Variants in TCF20 observed in about 807,000 individuals in gnomAD.
TCF20 encodes the protein SPRE-binding protein.
TCF20 carries 3 observed loss-of-function variants against 148.6 expected under a neutral mutation model. That is an observed-to-expected ratio of 0.02 (90% CI 0.01 to 0.05). The LOEUF is 0.05. TCF20 is among the 10% of genes least tolerant of loss of function. The probability of loss-of-function intolerance (pLI) is 1.00; values close to 1 mark genes in which losing one functional copy is unlikely to be tolerated. For synonymous variants in TCF20, 1,049 were observed against 909.5 expected, an observed-to-expected ratio of 1.15 and a Z score of -2.76; for missense variants, 2,350 against 2,429.3, an observed-to-expected ratio of 0.97 and a Z score of 0.69.
rs569841738 is a variant in TCF20, at chr22:42,262,378, G to C, written c.-37+7961C>G. On this transcript the variant is annotated intron_variant, in intron 1 of 5. Coordinates refer to ENST00000677622, the MANE Select transcript of TCF20 (RefSeq NM_001378418.1). ...GATAGATTTAGAGGTAGAGGGTGGT[G>C]AGAGAAAAGGAGGAATCTGATTTGA... 9.9e-5 allele frequency among the ~76,000 whole-genome samples: 15 copies of C among 152,252 alleles called. 1 individual carries two copies. The South Asian group carries it at 3.1e-3, about 32-fold the overall frequency.
intron 1 of TCF20, among the ~76,000 whole-genome samples, chr22:42,244,768 C>T (rs961068205): frequency 6.6e-6 from 1 of 152,050 alleles, no homozygotes; most frequent in African/African-American, 2.4e-5. Context: ...AATTTTGTCA[C>T]GTGAATTTCA....
intron 1 of TCF20, among the ~76,000 whole-genome samples, chr22:42,266,546 C>G (rs1185295532): frequency 6.6e-6 from 1 of 152,042 alleles, no homozygotes; most frequent in Non-Finnish European, 1.5e-5. Context: ...AGGCTGATAA[C>G]CTCCTGACCT....
intron 1 of TCF20, among the ~76,000 whole-genome samples, chr22:42,337,293 C>T (rs1037176443): frequency 1.4e-4 from 22 of 152,094 alleles, no homozygotes; most frequent in African/African-American, 5.3e-4. Context: ...TCTGACCTGC[C>T]CAAGCCCATA....
chr22:42,262,382 GA>G (rs1162680439), intron 1 of TCF20, among the ~76,000 whole-genome samples: 1 of 152,146 alleles, frequency 6.6e-6, no homozygotes, highest in Non-Finnish European at 1.5e-5. Flanking sequence ...GGTGGTGAGA[GA>G]AAAGGAGGAA....
intron 1 of TCF20, among the ~76,000 whole-genome samples, chr22:42,246,308 T>C (rs1924899678): frequency 6.6e-6 from 1 of 152,170 alleles, no homozygotes; most frequent in African/African-American, 2.4e-5. Context: ...TTTCGCCATG[T>C]TGGCCAGGCT....
intron 1 of TCF20, among the ~76,000 whole-genome samples, chr22:42,333,157 G>C (rs1452128586): frequency 6.6e-6 from 1 of 152,274 alleles, no homozygotes; most frequent in Admixed American, 6.5e-5. Context: ...CTGCCCCACT[G>C]TGCAGAGGCT....
chr22:42,213,746 A>G lies in TCF20; in HGVS notation c.1560T>C (p.Asp520=). 1 of 1,614,152 alleles carries G rather than the reference A, an allele frequency of 6.2e-7. No individual in the cohort carries two copies. Among genetic ancestry groups the G allele is most frequent in the African/African-American group, 1.3e-5 (1 of 75,048 alleles). ...CCTCTGAACTGCTGGAGCAGCCTCCATCTAATGACTCTGCCATAGGGGACT... is the reference window on the plus strand; with the variant it reads ...CCTCTGAACTGCTGGAGCAGCCTCCGTCTAATGACTCTGCCATAGGGGACT... ...QLKSPMAESL[D]GGCSSSSEDQ... Residue 520 remains aspartate, a synonymous_variant, in exon 2 of 6, where the codon GAT becomes GAC. Coordinates refer to ENST00000677622, the MANE Select transcript of TCF20 (RefSeq NM_001378418.1).
At chr22:42,177,900 C>G (rs531396327) in intron 3 of TCF20, among the ~76,000 whole-genome samples, 1 of 152,124 alleles carries the variant, frequency 6.6e-6, no homozygotes, top group South Asian at 2.1e-4. Flanking sequence ...ACTTTTTGTT[C>G]TAAGGCTACT....
rs764736571 is a variant in TCF20, at chr22:42,213,186, T to C, written c.2120A>G (p.Tyr707Cys). 1.1e-4 allele frequency: 181 copies of C among 1,614,112 alleles called. 1 individual carries two copies. The highest frequency in any genetic ancestry group is 1.4e-4 in the Non-Finnish European group (162 of 1,180,056). ...TGACCCGAAACTATCTTTGTAACTA[T>C]AGCGCAGACTTCCAGGAGATTTGCT... Reference protein sequence around the residue: ...EPSKSPGSLRYSYKDSFGSAV... With the variant: ...EPSKSPGSLRCSYKDSFGSAV... Residue 707 changes from tyrosine (Y) to cysteine (C), a missense_variant, in exon 2 of 6, where the codon TAT (tyrosine) becomes TGT (cysteine). Tyr to Cys is a radical substitution (Grantham distance 194). Coordinates refer to ENST00000677622, the MANE Select transcript of TCF20 (RefSeq NM_001378418.1).
intron 2 of TCF20, among the ~76,000 whole-genome samples, chr22:42,197,755 GAAT>G (rs1250315345): frequency 6.6e-6 from 1 of 152,072 alleles, no homozygotes; most frequent in African/African-American, 2.4e-5. Flanking sequence ...AACAAATTGA[GAAT>G]AATAAAATTC....
chr22:42,296,280 A>G (rs371055752), intron 1 of TCF20, among the ~76,000 whole-genome samples: 135 of 152,356 alleles, frequency 8.9e-4, no homozygotes, highest in African/African-American at 3.2e-3. Flanking sequence ...CCCTGGACAC[A>G]TGGACACTCA....
intron 3 of TCF20, among the ~76,000 whole-genome samples, chr22:42,174,255 C>T (rs944014881): frequency 6.6e-6 from 1 of 152,216 alleles, no homozygotes; most frequent in Non-Finnish European, 1.5e-5. Flanking sequence ...GTCCCACTAG[C>T]ACTCAATGAT....
At chr22:42,255,655 T>C (rs922008538) in intron 1 of TCF20, among the ~76,000 whole-genome samples, 4 of 152,140 alleles carry the variant, frequency 2.6e-5, no homozygotes, top group African/African-American at 9.7e-5. Context: ...AATTGCTAAA[T>C]TTTACAGATC....
intron 1 of TCF20, among the ~76,000 whole-genome samples, chr22:42,253,750 G>A (rs1025382868): frequency 6.6e-6 from 1 of 152,120 alleles, no homozygotes; most frequent in Non-Finnish European, 1.5e-5. Flanking sequence ...TATTAATTCA[G>A]AAAGGATCCT....
At chr22:42,236,689 G>C (rs1249052913) in intron 1 of TCF20, among the ~76,000 whole-genome samples, 1 of 152,132 alleles carries the variant, frequency 6.6e-6, no homozygotes, top group Non-Finnish European at 1.5e-5. Context: ...AAAAGTCAAA[G>C]AGACACAAAC....
Position 42,210,682 on chromosome 22 carries a change from T to G in TCF20, c.4624A>C (p.Arg1542=). 1 of 1,614,240 alleles carries G rather than the reference T, an allele frequency of 6.2e-7. No homozygotes were observed. Among genetic ancestry groups the G allele is most frequent in the African/African-American group, 1.3e-5 (1 of 75,060 alleles). Residue 1542 remains arginine (R), a synonymous_variant, in exon 2 of 6, where the codon AGA becomes CGA. Transcript: ENST00000677622. The surrounding 1 kb of genome is among the most constrained non-coding windows in gnomAD (Gnocchi z 4.7). ...GYFPSGKKKG[R]PIGSVNKQKK... ...TGCTTATTCACACTACCAATGGGTC[T>G]CCCCTTCTTCTTTCCTGATGGGAAA...
chr22:42,174,221 TAAAAA>T (rs914565232), intron 3 of TCF20, among the ~76,000 whole-genome samples: 1 of 148,812 alleles, frequency 6.7e-6, no homozygotes, highest in African/African-American at 2.5e-5. Flanking sequence ...AAGTTTACAT[TAAAAA>T]AAAAAATTCA....
chr22:42,242,540 C>T (rs148057479), intron 1 of TCF20, among the ~76,000 whole-genome samples: 63 of 152,190 alleles, frequency 4.1e-4, no homozygotes, highest in African/African-American at 1.5e-3. Flanking sequence ...ACACTCTCAG[C>T]ACGTGAGGAG....
Position 42,210,282 on chromosome 22 carries a change from C to G in TCF20, c.5024G>C (p.Ser1675Thr), listed in dbSNP as rs142975381. 5 of 1,614,070 alleles carry G rather than the reference C, an allele frequency of 3.1e-6. No individual in the cohort carries two copies. In the African/African-American group the frequency reaches 6.7e-5, roughly 22 times the overall value. The change falls in exon 2 of 6, where the codon AGC (serine) becomes ACC (threonine). Residue 1675 changes from serine (S) to threonine (T), a missense_variant. Ser to Thr is a moderately conservative substitution (Grantham distance 58). Transcript: ENST00000677622. This position sits in a 1 kb window ranked among gnomAD's most constrained non-coding sequence, Gnocchi z 4.7. ...CGGGAGCGCCTTGCTTTCAGTGCTGCTAGGTGGAGGGGTCAGTGACCTCTG... is the reference window on the plus strand; with the variant it reads ...CGGGAGCGCCTTGCTTTCAGTGCTGGTAGGTGGAGGGGTCAGTGACCTCTG... ...KGQRSLTPPP[S>T]STESKALPAS... is the part of the protein sequence containing the mutation.
Sources: allele counts gnomAD v4.1 joint callset (sites outside exome capture counted in the v4.1 genomes callset), GRCh38; gene constraint gnomAD v4.1.1; non-coding constraint Gnocchi (gnomAD v3.1); transcripts MANE v1.5; gene names NCBI Gene and HGNC (gene_info 2026-07-23, HGNC 2026-07-21).